ZNF804A: variants seen among roughly 807,000 people sequenced by gnomAD.
ZNF804A encodes the protein zinc finger protein 804A.
In ZNF804A, 2 loss-of-function variants were observed where a neutral mutation model predicts 16.5. The ratio of observed to expected loss-of-function variants is 0.12; its 90% confidence interval spans 0.05 to 0.38. The LOEUF (loss-of-function observed/expected upper bound fraction) is 0.38. ZNF804A is among the 10% of genes least tolerant of loss of function. The pLI, the probability that ZNF804A is intolerant of heterozygous loss-of-function variation, is 0.99. For synonymous variants in ZNF804A, 534 were observed against 489.6 expected (o/e 1.09, Z -1.20); for missense variants, 1,473 against 1,390.7 (o/e 1.06, Z -0.94).
intron 1 of ZNF804A, among the ~76,000 whole-genome samples, chr2:184,823,624 A>AT (rs893380429): frequency 3.3e-5 from 5 of 152,014 alleles, no homozygotes; most frequent in Admixed American, 6.6e-5. Context: ...TGATATACGT[A>AT]TTTTTTTATT....
chr2:184,739,014 C>T (rs528332514), intron 1 of ZNF804A, among the ~76,000 whole-genome samples: 19 of 152,214 alleles, frequency 1.2e-4, no homozygotes, highest in South Asian at 6.2e-4. Flanking sequence ...AAATTTTACA[C>T]GATTCTGAAA....
chr2:184,821,093 G>A (rs1200934850), intron 1 of ZNF804A, among the ~76,000 whole-genome samples: 2 of 152,142 alleles, frequency 1.3e-5, no homozygotes, highest in East Asian at 3.9e-4. Context: ...AACCAAGAAA[G>A]AGCCCAAATA....
intron 1 of ZNF804A, among the ~76,000 whole-genome samples, chr2:184,823,560 T>C (rs922839659): frequency 5.3e-5 from 8 of 152,164 alleles, no homozygotes; most frequent in Admixed American, 4.6e-4. Context: ...TTATTACTAA[T>C]GCTTATTAAA....
intron 1 of ZNF804A, among the ~76,000 whole-genome samples, chr2:184,611,764 T>A (rs1163985953): frequency 6.6e-6 from 1 of 152,176 alleles, no homozygotes; most frequent in Non-Finnish European, 1.5e-5. Flanking sequence ...ATTTTATTAG[T>A]AAAGAGTCAG....
chr2:184,617,918 G>T (rs1202590068), intron 1 of ZNF804A, among the ~76,000 whole-genome samples: 1 of 151,750 alleles, frequency 6.6e-6, no homozygotes, highest in East Asian at 1.9e-4. Flanking sequence ...TATTATAATT[G>T]CCATTTTAAA....
chr2:184,799,282 A>T (rs1694685601), intron 1 of ZNF804A, among the ~76,000 whole-genome samples: 1 of 152,060 alleles, frequency 6.6e-6, no homozygotes. Flanking sequence ...CTCATCCGCC[A>T]TGATGATTCC....
intron 1 of ZNF804A, among the ~76,000 whole-genome samples, chr2:184,813,591 A>G (rs950155115): frequency 2.0e-5 from 3 of 152,104 alleles, no homozygotes; most frequent in African/African-American, 4.8e-5. Context: ...GATCCTTTCT[A>G]TTCTAATTGA....
intron 1 of ZNF804A, among the ~76,000 whole-genome samples, chr2:184,755,280 C>G (rs554280442): frequency 3.7e-4 from 56 of 152,022 alleles, no homozygotes; most frequent in Non-Finnish European, 6.2e-4. Flanking sequence ...AATATTAAGG[C>G]TTCTCCTTTG....
chr2:184,677,712 A>G (rs957810711), intron 1 of ZNF804A, among the ~76,000 whole-genome samples: 5 of 152,070 alleles, frequency 3.3e-5, no homozygotes, highest in African/African-American at 7.2e-5. Flanking sequence ...TCAAAGTTAT[A>G]TTACTAACTC....
intron 2 of ZNF804A, among the ~76,000 whole-genome samples, chr2:184,901,703 T>C (rs547828983): frequency 6.6e-6 from 1 of 152,152 alleles, no homozygotes; most frequent in Non-Finnish European, 1.5e-5. Flanking sequence ...AATATTATTG[T>C]AAATTCCAGA....
At chr2:184,853,939 T>C (rs1452729429) in intron 1 of ZNF804A, among the ~76,000 whole-genome samples, 3 of 151,452 alleles carry the variant, frequency 2.0e-5, no homozygotes, top group Non-Finnish European at 3.0e-5. Flanking sequence ...ATAAAATGAG[T>C]TTGAAGTATT....
intron 1 of ZNF804A, among the ~76,000 whole-genome samples, chr2:184,810,265 G>T (rs1009533053): frequency 2.0e-5 from 3 of 152,056 alleles, no homozygotes; most frequent in Non-Finnish European, 4.4e-5. Flanking sequence ...ATTTGCCAAC[G>T]CCTGCTATAG....
chr2:184,784,265 T>C (rs950921639), intron 1 of ZNF804A, among the ~76,000 whole-genome samples: 1 of 151,958 alleles, frequency 6.6e-6, no homozygotes, highest in Non-Finnish European at 1.5e-5. Flanking sequence ...TGTTTCAGAC[T>C]TCTTCAGCAG....
intron 1 of ZNF804A, among the ~76,000 whole-genome samples, chr2:184,720,306 A>G (rs1273991948): frequency 6.6e-6 from 1 of 152,216 alleles, no homozygotes; most frequent in Admixed American, 6.5e-5. Context: ...AACTTGGAAT[A>G]TAAGAAATTT....
chr2:184,887,471 C>G (rs1296412527), intron 2 of ZNF804A, among the ~76,000 whole-genome samples: 1 of 152,192 alleles, frequency 6.6e-6, no homozygotes, highest in Non-Finnish European at 1.5e-5. Flanking sequence ...AAACCCCACT[C>G]TTGACACCAA....
chr2:184,806,570 A>G (rs893755385), intron 1 of ZNF804A, among the ~76,000 whole-genome samples: 9 of 151,736 alleles, frequency 5.9e-5, no homozygotes, highest in African/African-American at 2.2e-4. Flanking sequence ...ACAAATTGTC[A>G]TGACATAAAT....
intron 1 of ZNF804A, among the ~76,000 whole-genome samples, chr2:184,675,261 T>C (rs943400566): frequency 2.6e-5 from 4 of 151,826 alleles, no homozygotes; most frequent in African/African-American, 9.7e-5. Context: ...ATATTTTTCA[T>C]ATTATTGTTA....
intron 1 of ZNF804A, among the ~76,000 whole-genome samples, chr2:184,839,968 A>G (rs1042140036): frequency 1.3e-5 from 2 of 152,184 alleles, no homozygotes; most frequent in African/African-American, 4.8e-5. Context: ...TGAACTTAAT[A>G]TCTAAGTCTG....
At chr2:184,732,864 A>T (rs978386924) in intron 1 of ZNF804A, among the ~76,000 whole-genome samples, 3 of 152,120 alleles carry the variant, frequency 2.0e-5, no homozygotes, top group Non-Finnish European at 4.4e-5. Flanking sequence ...TAGCTTTTCT[A>T]TATTAACCCT....
Sources: allele counts gnomAD v4.1 joint callset (sites outside exome capture counted in the v4.1 genomes callset), GRCh38; gene constraint gnomAD v4.1.1; transcripts MANE v1.5; gene names NCBI Gene and HGNC (gene_info 2026-07-23, HGNC 2026-07-21).